Variants in SMC2 observed in about 807,000 individuals in gnomAD.
SMC2 encodes structural maintenance of chromosomes protein 2.
In SMC2, 41 loss-of-function variants were observed where a neutral mutation model predicts 142.6. The ratio of observed to expected loss-of-function variants is 0.29; its 90% CI spans 0.22 to 0.37. The LOEUF (loss-of-function observed/expected upper bound fraction) is 0.37. Ranked by LOEUF, SMC2 falls within the 10% of genes least tolerant of loss-of-function variation. The pLI, the probability that SMC2 is intolerant of heterozygous loss-of-function variation, is 1.00. For missense variants in SMC2, 1,265 were observed against 1,373.7 expected (o/e 0.92, Z 1.25); for synonymous variants, 463 against 457.5 (o/e 1.01, Z -0.15).
chr9:104,115,579 T>C (rs1392834156), intron 13 of SMC2, among the ~76,000 whole-genome samples: 1 of 149,838 alleles, frequency 6.7e-6, no homozygotes, highest in African/African-American at 2.5e-5. Flanking sequence ...AGGAAGACTG[T>C]ATCTCAAAAA....
In SMC2 at chr9:104,100,241, G is replaced by A. The variant is rs41277744; in HGVS notation, c.591+38G>A. 5.4e-3 allele frequency: 7,917 copies of A among 1,464,608 alleles called. 28 individuals are homozygous for A. The highest frequency in any genetic ancestry group is 6.1e-3 in the Non-Finnish European group (6,588 of 1,081,154). The allele number at this position is 1,464,608 out of a possible 1,614,324, so 90.7% of individuals were successfully genotyped here. Reference sequence around the variant, plus strand: ...ATATAAAATATTTTCGGAGAAGAATGTAATTTTGCATGTAGAGTTTTTGCT... The same window carrying A: ...ATATAAAATATTTTCGGAGAAGAATATAATTTTGCATGTAGAGTTTTTGCT... On this transcript the variant is annotated intron_variant, in intron 6 of 24. Transcript: ENST00000374793.
rs1832708335 is a variant in SMC2 at position 104,113,360 on chromosome 9, A to G, written c.1299A>G (p.Lys433=). The G allele has an allele frequency of 6.2e-7, 1 of 1,611,420 alleles. No homozygotes were observed. Among genetic ancestry groups the G allele is most frequent in the Admixed American group, 1.7e-5 (1 of 59,560 alleles). The change falls in exon 11 of 25, where the codon AAA becomes AAG. Residue 433 remains lysine (K), a synonymous_variant. Coordinates refer to ENST00000374793, the MANE Select transcript of SMC2 (RefSeq NM_006444.3). ...ATGCTCAACAGGAATTAAAGAATAA[A>G]CAAGCTGAAGTTAAGAAGATGGATA... ...LKHAQQELKN[K]QAEVKKMDSG...
rs1195111393 is a variant in SMC2 at position 104,094,327 on chromosome 9, G to A, written c.-212G>A. Reference sequence around the variant, plus strand: ...GAAATTCAAAGGAATAAATAGTTCCGGCGCGGGTGTTGAGAGCGGTGTGGC... The same window carrying A: ...GAAATTCAAAGGAATAAATAGTTCCAGCGCGGGTGTTGAGAGCGGTGTGGC... On this transcript the variant is annotated 5_prime_UTR_variant, in exon 1 of 25. Transcript: ENST00000374793. 2 of 398,646 alleles carry A rather than the reference G, an allele frequency of 5.0e-6. No individual in the cohort carries two copies. The highest frequency in any genetic ancestry group is 4.4e-5 in the Admixed American group (1 of 22,726). The allele number at this position is 398,646 out of a possible 1,614,324, so 24.7% of individuals were successfully genotyped here. A position where few individuals can be genotyped will look rare whatever the true frequency, so the allele number is the denominator to read the frequency against.
In SMC2 at chr9:104,120,156, C is replaced by A. The variant is rs754721023; in HGVS notation, c.2126C>A (p.Ala709Asp). The A allele has an allele frequency of 2.5e-6, 4 of 1,605,246 alleles. No individual in the cohort carries two copies. The South Asian group carries it at 4.5e-5, about 18-fold the overall frequency. The change falls in exon 16 of 25, where the codon GCT (alanine) becomes GAT (aspartate). Residue 709 changes from alanine (A) to aspartate (D), a missense_variant. By Grantham distance (126) the Ala-to-Asp change is moderately radical. Around this residue, in one of 4 missense-constraint regions of SMC2, gnomAD observed 898 missense variants for 904.2 expected, o/e 0.99. Coordinates refer to ENST00000374793, the MANE Select transcript of SMC2 (RefSeq NM_006444.3). The part of the protein sequence containing the change: ...EEELAGLKNT[A>D]EKYRQLKQQW... ...GAATTAGCAGGTCTTAAAAACACTGCTGAAAAGTAAGAACTGCATATACTT... is the reference window on the plus strand; with the variant it reads ...GAATTAGCAGGTCTTAAAAACACTGATGAAAAGTAAGAACTGCATATACTT...
chr9:104,107,275 C>T (rs1831913636), intron 9 of SMC2, among the ~76,000 whole-genome samples: 1 of 152,148 alleles, frequency 6.6e-6, no homozygotes. Flanking sequence ...TCTACCAGTG[C>T]ACAATAGCAA....
upstream of SMC2, among the ~76,000 whole-genome samples, chr9:104,093,942 A>C (rs897877947): frequency 6.6e-6 from 1 of 152,228 alleles, no homozygotes; most frequent in African/African-American, 2.4e-5. Flanking sequence ...TGTCGCTTTG[A>C]GGAGAGAAAA....
intron 9 of SMC2, among the ~76,000 whole-genome samples, chr9:104,108,602 G>GGAGATCAT (rs1832083342): frequency 6.6e-6 from 1 of 152,184 alleles, no homozygotes; most frequent in African/African-American, 2.4e-5. Flanking sequence ...CCAACAACCA[G>GGAGATCAT]GAGATCATGA....
Position 104,123,252 on chromosome 9 carries a change from T to C in SMC2, c.2257+20T>C, listed in dbSNP as rs756325224. The stretch of plus-strand genomic sequence containing the variant: ...CCATTGGTAAGATGAAAACAGTCCA[T>C]GCTTAATCTCTGGTTTTATTCATAT... On this transcript the variant is annotated intron_variant, in intron 17 of 24. Coordinates refer to ENST00000374793, the MANE Select transcript of SMC2 (RefSeq NM_006444.3). The C allele has an allele frequency of 6.2e-7, 1 of 1,607,216 alleles. No individual in the cohort carries two copies. Among genetic ancestry groups the C allele is most frequent in the Non-Finnish European group, 8.5e-7 (1 of 1,176,882 alleles).
intron 15 of SMC2, among the ~76,000 whole-genome samples, chr9:104,119,656 A>G (rs1294794166): frequency 1.3e-5 from 2 of 152,168 alleles, no homozygotes; most frequent in African/African-American, 4.8e-5. Context: ...ACGGAAAGCA[A>G]ATGGTGTACT....
intron 9 of SMC2, among the ~76,000 whole-genome samples, chr9:104,103,591 G>A (rs999386818): frequency 2.0e-5 from 3 of 152,158 alleles, no homozygotes; most frequent in Non-Finnish European, 4.4e-5. Context: ...GCGAGAACTA[G>A]GAATAGGTCA....
intron 23 of SMC2, among the ~76,000 whole-genome samples, chr9:104,137,131 G>A (rs1466398763): frequency 6.6e-6 from 1 of 152,040 alleles, no homozygotes; most frequent in Non-Finnish European, 1.5e-5. Flanking sequence ...CGGGGTGACA[G>A]AGCAAGACTC....
At chr9:104,099,758 T>A in intron 5 of SMC2, 76 bp downstream of exon 5, 1 of 956,910 alleles carries the variant, frequency 1.0e-6, no homozygotes, top group South Asian at 1.5e-5. Flanking sequence ...TTTTTAAATA[T>A]TCTATTAAAA....
At chr9:104,127,110 G>A (rs1834393094) in intron 19 of SMC2, among the ~76,000 whole-genome samples, 176 bp from the exon 20 acceptor site, 1 of 152,154 alleles carries the variant, frequency 6.6e-6, no homozygotes, top group Non-Finnish European at 1.5e-5. Flanking sequence ...TTTCTTCTGT[G>A]TATAAATTGA....
upstream of SMC2, among the ~76,000 whole-genome samples, chr9:104,094,038 G>C (rs1830175721): frequency 6.6e-6 from 1 of 152,192 alleles, no homozygotes; most frequent in Admixed American, 6.5e-5. Flanking sequence ...GCGGGGCGGG[G>C]CTGGCGAAGC....
rs60804779 is a variant in SMC2 at position 104,129,502 on chromosome 9, C to CAAA, written c.2791-129_2791-127dup. On this transcript the variant is annotated intron_variant, in intron 20 of 24. Coordinates refer to ENST00000374793, the MANE Select transcript of SMC2 (RefSeq NM_006444.3). ...GGGCAACAAGAGTGAAACTCCATCT[C>CAAA]AAAAAAAAAAAAAAAATTAGTCATT... is the stretch of plus-strand genomic sequence containing the variant. The CAAA allele has an allele frequency of 5.5e-4, 304 of 549,454 alleles. 1 individual carries two copies. The highest frequency in any genetic ancestry group is 2.3e-3 in the African/African-American group (101 of 44,094). 34.0% of individuals were successfully genotyped at this position (549,454 alleles called of 1,614,324 possible). A position where few individuals can be genotyped will look rare whatever the true frequency, so the allele number is the denominator to read the frequency against.
At chr9:104,135,963 A>C in intron 23 of SMC2, 1 of 517,088 alleles carries the variant, frequency 1.9e-6, no homozygotes. Context: ...AAAGGAAAGA[A>C]GAGTGTTGGA....
rs1276769616 is a variant in SMC2, at chr9:104,118,246, G to C, written c.1867G>C (p.Val623Leu). Residue 623 changes from valine (V) to leucine (L), a missense_variant, in exon 15 of 25, where the codon GTC becomes CTC. Val to Leu is a conservative substitution (Grantham distance 32). This residue lies in a region of SMC2 where 898 missense variants were observed against 904.2 expected (regional missense o/e 0.99). Transcript: ENST00000374793. ...KPELQKAMEF[V>L]FGTTFVCDNM... ...AGAACTTCAGAAAGCAATGGAGTTTGTCTTTGGAACAACATTTGTTTGTGA... is the reference window on the plus strand; with the variant it reads ...AGAACTTCAGAAAGCAATGGAGTTTCTCTTTGGAACAACATTTGTTTGTGA... The C allele has an allele frequency of 6.2e-7, 1 of 1,613,572 alleles. No homozygotes were observed. The highest frequency in any genetic ancestry group is 8.5e-7 in the Non-Finnish European group (1 of 1,179,782).
chr9:104,121,911 C>T (rs1318562379), intron 16 of SMC2, among the ~76,000 whole-genome samples: 2 of 152,180 alleles, frequency 1.3e-5, no homozygotes, highest in African/African-American at 4.8e-5. Flanking sequence ...CTTGCCACCA[C>T]ACCCGGCTAA....
intron 2 of SMC2, 78 bp downstream of exon 2, chr9:104,095,630 A>T: frequency 9.5e-7 from 1 of 1,048,002 alleles, no homozygotes; most frequent in South Asian, 1.5e-5. Context: ...ACGTCCCGAT[A>T]TTCTCTTCAT....
Sources: gnomAD v4.1 joint callset for allele counts (sites outside exome capture counted in the v4.1 genomes callset) on GRCh38, gnomAD v4.1.1 for gene constraint, gnomAD v4.1.1 regional missense constraint, MANE v1.5 for transcripts, NCBI Gene and HGNC (gene_info 2026-07-23, HGNC 2026-07-21) for gene names.